The following CCDC40 variants were observed in gnomAD, a reference collection of about 807,000 sequenced individuals.
The protein encoded by CCDC40 is coiled-coil domain-containing protein 40.
In CCDC40, 104 loss-of-function variants were observed where a neutral mutation model predicts 124.5. The ratio of observed to expected loss-of-function variants is 0.84; its 90% confidence interval spans 0.71 to 0.98. The LOEUF (loss-of-function observed/expected upper bound fraction) is 0.98, where lower values mean the gene tolerates loss of function less well. Ranked by LOEUF, CCDC40 falls within the 50% of genes least tolerant of loss-of-function variation. CCDC40 has a pLI of 0.00. For missense variants in CCDC40, 1,463 were observed against 1,503.9 expected (o/e 0.97, Z 0.45); for synonymous variants, 580 against 602.9 (o/e 0.96, Z 0.56).
intron 10 of CCDC40, among the ~76,000 whole-genome samples, chr17:80,074,183 C>G (rs373672153): frequency 6.6e-6 from 1 of 152,160 alleles, no homozygotes; most frequent in South Asian, 2.1e-4. Context: ...CCTAATTGCG[C>G]GTCTGGAGAA....
chr17:80,095,162 G>C (rs977385357), intron 17 of CCDC40, 101 bp from the exon 18 acceptor site: 59 of 1,087,182 alleles, frequency 5.4e-5, no homozygotes, highest in Admixed American at 2.5e-4. Flanking sequence ...CGATCCCCAT[G>C]CGTGTCACCG....
Position 80,050,049 on chromosome 17 carries a change from C to T in CCDC40, c.940-15C>T. 6.2e-7 allele frequency: 1 copy of T among 1,613,998 alleles called. No individual in the cohort carries two copies. Among genetic ancestry groups the T allele is most frequent in the Non-Finnish European group, 8.5e-7 (1 of 1,179,974 alleles). On this transcript the variant is annotated splice_polypyrimidine_tract_variant and intron_variant, in intron 6 of 19. Coordinates refer to ENST00000397545, the MANE Select transcript of CCDC40 (RefSeq NM_017950.4). ...TGCCTGCGTCCTGGTGACCCTGTTT[C>T]TCTCTTTGGTCCAGGTTGTGGCTAC...
At chr17:80,094,372 A>G (rs1035570317) in intron 17 of CCDC40, among the ~76,000 whole-genome samples, 10 of 152,072 alleles carry the variant, frequency 6.6e-5, no homozygotes, top group African/African-American at 2.4e-4. Context: ...AGATTGTGCC[A>G]TCGCACTCCA....
At position 80,087,638 on chromosome 17, in the gene CCDC40, G is replaced by A. The variant is rs940006007; in HGVS notation, c.2481G>A (p.Lys827=). 9.9e-6 allele frequency: 16 copies of A among 1,614,204 alleles called. No homozygotes were observed. Among genetic ancestry groups the A allele is most frequent in the Non-Finnish European group, 1.4e-5 (16 of 1,180,012 alleles). ...TTGAGCAGGAGAAGAAGGAGCAGAA[G>A]GAGATCGAGCACCACATGAAGGACC... ...SKIEQEKKEQ[K]EIEHHMKDLD... Residue 827 remains lysine, a synonymous_variant, in exon 15 of 20, where the codon AAG becomes AAA. Coordinates refer to ENST00000397545, the MANE Select transcript of CCDC40 (RefSeq NM_017950.4). This position sits in a 1 kb window ranked among gnomAD's most constrained non-coding sequence, Gnocchi z 4.5.
intron 7 of CCDC40, among the ~76,000 whole-genome samples, chr17:80,055,012 C>T (rs1262670144): frequency 2.7e-5 from 4 of 150,740 alleles, no homozygotes; most frequent in Non-Finnish European, 4.4e-5. Flanking sequence ...AAACAAAATA[C>T]AAGGATAAAA....
rs1568682572 is a variant in CCDC40 at position 80,055,999 on chromosome 17, TATATA to T, written c.1160-2494_1160-2490del. Among the ~76,000 whole-genome samples, 31 of 15,026 alleles carry T rather than the reference TATATA, an allele frequency of 2.1e-3. 2 individuals are homozygous for T. Among genetic ancestry groups the T allele is most frequent in the South Asian group, 3.7e-3 (2 of 542 alleles). The allele number at this position is 15,026 out of a possible 152,430, so 9.9% of individuals were successfully genotyped here. On this transcript the variant is annotated intron_variant, in intron 7 of 19. Coordinates refer to ENST00000397545, the MANE Select transcript of CCDC40 (RefSeq NM_017950.4). ...TAATTTTCATATATATATATATATA[TATATA>T]TATATATATATATTTTTTTTTTTTT...
chr17:80,040,539 C>T (rs2037251059), intron 3 of CCDC40: 3 of 458,156 alleles, frequency 6.5e-6, no homozygotes, highest in South Asian at 2.1e-5. Flanking sequence ...ATTAGGCAGG[C>T]GTGGTGGCGC....
Position 80,088,000 on chromosome 17 carries a change from C to G in CCDC40, c.2620-11C>G. 6.3e-7 allele frequency: 1 copy of G among 1,589,538 alleles called. No individual in the cohort carries two copies. The highest frequency in any genetic ancestry group is 1.7e-5 in the Admixed American group (1 of 59,994). On this transcript the variant is annotated splice_polypyrimidine_tract_variant and intron_variant, in intron 15 of 19. Coordinates refer to ENST00000397545, the MANE Select transcript of CCDC40 (RefSeq NM_017950.4). The surrounding 1 kb of genome is among the most constrained non-coding windows in gnomAD (Gnocchi z 4.5). ...CCTCCCCACAGCTGTCCCGCCCCCT[C>G]CCCCATGCAGGCCTCTGAGAGGGAG...
In CCDC40 at chr17:80,050,100, G is replaced by A. The variant is rs770369678; in HGVS notation, c.976G>A (p.Glu326Lys). 6.2e-7 allele frequency: 1 copy of A among 1,614,030 alleles called. No individual in the cohort carries two copies. Among genetic ancestry groups the A allele is most frequent in the South Asian group, 1.1e-5 (1 of 91,078 alleles). ...ATKQSRAQRQ[E>K]LGVNLYEVQQ... ...CAAGCAGAGCCGAGCCCAGCGGCAG[G>A]AGCTGGGGGTGAATCTCTATGAGGT... Residue 326 changes from glutamate to lysine, a missense_variant, in exon 7 of 20, where the codon GAG (glutamate) becomes AAG (lysine). By Grantham distance (56) the Glu-to-Lys change is moderately conservative. Transcript: ENST00000397545.
chr17:80,056,513 G>A (rs2037752982), intron 7 of CCDC40, among the ~76,000 whole-genome samples: 2 of 152,072 alleles, frequency 1.3e-5, no homozygotes, highest in African/African-American at 4.8e-5. Context: ...TGGAGTCCCA[G>A]CTACTTGGGG....
At chr17:80,048,518 C>T in intron 4 of CCDC40, 65 bp from the exon 5 acceptor site, 1 of 1,361,724 alleles carries the variant, frequency 7.3e-7, no homozygotes, top group Non-Finnish European at 1.0e-6. Context: ...ATTGATGCCC[C>T]AGAATAGAAT....
chr17:80,065,744 G>C (rs1048056057), intron 10 of CCDC40, 138 bp downstream of exon 10: 2 of 1,179,618 alleles, frequency 1.7e-6, no homozygotes, highest in African/African-American at 1.5e-5. Context: ...CCGGGCTTCC[G>C]TCCGGAAAGC....
At position 80,049,886 on chromosome 17, in the gene CCDC40, G is replaced by A; in HGVS notation, c.856-20G>A. ...AGGGTAACCAGAAAGGTAACCACCT[G>A]TGGTTTTCCATTGTTCTAGCCCCTG... is the stretch of plus-strand genomic sequence containing the variant. On this transcript the variant is annotated intron_variant, in intron 5 of 19. Coordinates refer to ENST00000397545, the MANE Select transcript of CCDC40 (RefSeq NM_017950.4). 6.2e-7 allele frequency: 1 copy of A among 1,610,990 alleles called. No individual in the cohort carries two copies. The highest frequency in any genetic ancestry group is 8.5e-7 in the Non-Finnish European group (1 of 1,177,198).
intron 9 of CCDC40, among the ~76,000 whole-genome samples, chr17:80,061,160 G>A (rs190524952): frequency 7.9e-4 from 119 of 151,566 alleles, no homozygotes; most frequent in Non-Finnish European, 6.6e-4. Flanking sequence ...AGCCTGGCCC[G>A]CATGGCAAAA....
chr17:80,071,413 G>A (rs2038183457), intron 10 of CCDC40, among the ~76,000 whole-genome samples: 1 of 152,232 alleles, frequency 6.6e-6, no homozygotes, highest in South Asian at 2.1e-4. Context: ...GCCACGGGCA[G>A]TGTCCTGGGA....
chr17:80,072,868 C>T (rs1431772898), intron 10 of CCDC40, among the ~76,000 whole-genome samples: 1 of 152,232 alleles, frequency 6.6e-6, no homozygotes, highest in African/African-American at 2.4e-5. Context: ...GTGAAGAAAG[C>T]TGCTGTGGCT....
intron 10 of CCDC40, among the ~76,000 whole-genome samples, chr17:80,075,499 C>T (rs1002206223): frequency 6.6e-6 from 1 of 152,250 alleles, no homozygotes; most frequent in African/African-American, 2.4e-5. Flanking sequence ...TGCAAGTCCC[C>T]GCTCATGGTC....
At chr17:80,085,139 G>A in intron 13 of CCDC40, 151 bp downstream of exon 13, 1 of 1,044,494 alleles carries the variant, frequency 9.6e-7, no homozygotes, top group Non-Finnish European at 1.4e-6. Flanking sequence ...AATGGCACGT[G>A]TGCCAAGCGC....
intron 16 of CCDC40, 117 bp downstream of exon 16, chr17:80,088,219 C>G: frequency 1.3e-6 from 1 of 746,784 alleles, no homozygotes; most frequent in East Asian, 2.6e-5. Context: ...TATCCCAGTG[C>G]TTTGGTCATT....
Sources: gnomAD v4.1 joint callset for allele counts (sites outside exome capture counted in the v4.1 genomes callset) on GRCh38, gnomAD v4.1.1 for gene constraint, Gnocchi (gnomAD v3.1) non-coding constraint, MANE v1.5 for transcripts, NCBI Gene and HGNC (gene_info 2026-07-23, HGNC 2026-07-21) for gene names.